The following PCK1 variants were observed in gnomAD, a reference collection of about 807,000 sequenced individuals.
PCK1 encodes the protein phosphoenolpyruvate carboxykinase 1.
Under a neutral mutation model 50.3 loss-of-function variants are expected in PCK1, and 44 were observed. That is an observed-to-expected ratio of 0.87 (90% CI 0.69 to 1.12). The LOEUF is 1.12. Ranked by LOEUF, PCK1 falls within the 50% of genes most tolerant of loss-of-function variation. The probability of loss-of-function intolerance (pLI) is 0.00; values close to 1 mark genes in which losing one functional copy is unlikely to be tolerated. For synonymous variants in PCK1, 332 were observed against 314.3 expected (o/e 1.06, Z -0.59); for missense variants, 790 against 815.0 (o/e 0.97, Z 0.37).
Position 57,567,883 on chromosome 20 carries a change from T to C in PCK1, c.*2079T>C, listed in dbSNP as rs6025631. On this transcript the variant is annotated 3_prime_UTR_variant, in exon 10 of 10. Coordinates refer to ENST00000319441, the MANE Select transcript of PCK1 (RefSeq NM_002591.4). ...ACAGCATCAGCCACCTGGCAAGCAGTCTCACATAGGACCATTTGCCAGCAG... is the reference window on the plus strand; with the variant it reads ...ACAGCATCAGCCACCTGGCAAGCAGCCTCACATAGGACCATTTGCCAGCAG... The C allele has an allele frequency of 0.16, 24,109 of 152,344 alleles. 2,768 individuals carry two copies. The highest frequency in any genetic ancestry group is 0.32 in the African/African-American group (13,464 of 41,490). The allele number at this position is 152,344 out of a possible 1,614,324, so 9.4% of individuals were successfully genotyped here. A position where few individuals can be genotyped will look rare whatever the true frequency, so the allele number is the denominator to read the frequency against.
rs374878290 is a variant in PCK1 at position 57,565,406 on chromosome 20, G to A, written c.1471G>A (p.Gly491Ser). 2.1e-5 allele frequency: 34 copies of A among 1,614,158 alleles called. No homozygotes were observed. The highest frequency in any genetic ancestry group is 1.8e-4 in the East Asian group (8 of 44,890). Residue 491 changes from glycine to serine, a missense_variant, in exon 10 of 10, where the codon GGC becomes AGC. Physicochemically the swap from Gly to Ser is moderately conservative, Grantham distance 56. Transcript: ENST00000319441. Reference protein sequence around the residue: ...AMRPFFGYNFGKYLAHWLSMA... With the variant: ...AMRPFFGYNFSKYLAHWLSMA... Reference sequence around the variant, plus strand: ...GCGGCCCTTCTTTGGCTACAACTTCGGCAAATACCTGGCCCACTGGCTTAG... The same window carrying A: ...GCGGCCCTTCTTTGGCTACAACTTCAGCAAATACCTGGCCCACTGGCTTAG...
At chr20:57,562,942 A>C in intron 4 of PCK1, 43 bp downstream of exon 4, 4 of 1,587,542 alleles carry the variant, frequency 2.5e-6, no homozygotes, top group Non-Finnish European at 3.5e-6. Flanking sequence ...ATAAAAAAGA[A>C]AGCTGAACGC....
chr20:57,566,035 A>G lies in PCK1; in HGVS notation c.*231A>G. ...AATCTTAGCATGCCTCCAAAAATTC[A>G]CATCCAATGCATAGTTTGTTCAAAT... On this transcript the variant is annotated 3_prime_UTR_variant, in exon 10 of 10. Transcript: ENST00000319441. 2.0e-6 allele frequency: 1 copy of G among 495,690 alleles called. No homozygotes were observed. 30.7% of individuals were successfully genotyped at this position (495,690 alleles called of 1,614,324 possible).
In PCK1 at chr20:57,565,020, CT is replaced by C. The variant is rs59716278; in HGVS notation, c.1319-11del. On this transcript the variant is annotated intron_variant, in intron 8 of 9. Coordinates refer to ENST00000319441, the MANE Select transcript of PCK1 (RefSeq NM_002591.4). ...TTCAAAGCCTCTGATGAACATTTCTCTTTTTTTTTCCTGCTAAAGGTGTCCC... is the reference window on the plus strand; with the variant it reads ...TTCAAAGCCTCTGATGAACATTTCTCTTTTTTTTCCTGCTAAAGGTGTCCC... The C allele has an allele frequency of 4.2e-4, 645 of 1,542,514 alleles. 1 individual carries two copies. Among genetic ancestry groups the C allele is most frequent in the South Asian group, 3.6e-3 (312 of 87,746 alleles).
At chr20:57,563,299 G>GCA (rs1263305739) in intron 5 of PCK1, 84 bp downstream of exon 5, 1 of 1,275,486 alleles carries the variant, frequency 7.8e-7, no homozygotes, top group Non-Finnish European at 1.1e-6. Flanking sequence ...CCACCCGTCA[G>GCA]CACACCTCTC....
Position 57,561,866 on chromosome 20 carries a change from A to T in PCK1, c.225-205A>T, listed in dbSNP as rs45454899. On this transcript the variant is annotated intron_variant, in intron 2 of 9. Transcript: ENST00000319441. Reference sequence around the variant, plus strand: ...AGCTCTGCCAACTAGATTCCTGATTAAAAAAAAGGCAGCCCCTCTCCTACA... The same window carrying T: ...AGCTCTGCCAACTAGATTCCTGATTTAAAAAAAGGCAGCCCCTCTCCTACA... 5,233 of 604,500 alleles carry T rather than the reference A, an allele frequency of 8.7e-3. 41 individuals are homozygous for T. The highest frequency in any genetic ancestry group is 0.019 in the Middle Eastern group (44 of 2,286). 37.4% of individuals were successfully genotyped at this position (604,500 alleles called of 1,614,324 possible).
In PCK1 at chr20:57,564,496, C is replaced by T. The variant is rs2070184604; in HGVS notation, c.1201C>T (p.His401Tyr). The change falls in exon 8 of 10, where the codon CAC becomes TAC. Residue 401 changes from histidine to tyrosine, a missense_variant. Transcript: ENST00000319441. ...WSSEDGEPCA[H>Y]PNSRFCTPAS... ...CTGTCTTATAGGGGAACCTTGTGCCCACCCCAACTCGAGGTTCTGCACCCC... is the reference window on the plus strand; with the variant it reads ...CTGTCTTATAGGGGAACCTTGTGCCTACCCCAACTCGAGGTTCTGCACCCC... The T allele has an allele frequency of 6.8e-6, 11 of 1,614,168 alleles. No homozygotes were observed. The highest frequency in any genetic ancestry group is 9.3e-6 in the Non-Finnish European group (11 of 1,180,034).
At chr20:57,562,460 T>C (rs1366640384) in intron 3 of PCK1, 3 of 624,884 alleles carry the variant, frequency 4.8e-6, no homozygotes, top group African/African-American at 3.7e-5. Context: ...ACTAGTTCCA[T>C]GCATATGGGT....
At position 57,565,344 on chromosome 20, in the gene PCK1, T is replaced by C. The variant is rs370469337; in HGVS notation, c.1415-6T>C. 3.7e-6 allele frequency: 6 copies of C among 1,611,864 alleles called. No individual in the cohort carries two copies. The highest frequency in any genetic ancestry group is 4.5e-5 in the East Asian group (2 of 44,856). On this transcript the variant is annotated splice_region_variant and splice_polypyrimidine_tract_variant and intron_variant, in intron 9 of 9. Coordinates refer to ENST00000319441, the MANE Select transcript of PCK1 (RefSeq NM_002591.4). Reference sequence around the variant, plus strand: ...TTTACTAATGAACTCCCTCTCTGTTTAACAGGCAAAATCATCATGCATGAC... The same window carrying C: ...TTTACTAATGAACTCCCTCTCTGTTCAACAGGCAAAATCATCATGCATGAC...
chr20:57,567,613 A>C lies in PCK1; in HGVS notation c.*1809A>C, dbSNP rs1286948392. On this transcript the variant is annotated 3_prime_UTR_variant, in exon 10 of 10. Transcript: ENST00000319441. ...TGACTCAGAGTCCCATGTCTAAAGG[A>C]GACAGAGCCCAAGGCAGCCCACCTG... The C allele has an allele frequency of 1.3e-5, 2 of 152,248 alleles. No individual in the cohort carries two copies. Among genetic ancestry groups the C allele is most frequent in the African/African-American group, 2.4e-5 (1 of 41,470 alleles). The allele number at this position is 152,248 out of a possible 1,614,324, so 9.4% of individuals were successfully genotyped here.
intron 9 of PCK1, 84 bp from the exon 10 acceptor site, chr20:57,565,266 A>C (rs2146530725): frequency 7.6e-7 from 1 of 1,321,958 alleles, no homozygotes. Context: ...GAGGAGAACA[A>C]AGCATGCTAA....
At chr20:57,565,269 C>T (rs2070192506) in intron 9 of PCK1, 81 bp from the exon 10 acceptor site, 2 of 1,316,712 alleles carry the variant, frequency 1.5e-6, no homozygotes, top group Admixed American at 1.7e-5. Context: ...GAGAACAAAG[C>T]ATGCTAATGT....
rs372606952 is a variant in PCK1 at position 57,561,385 on chromosome 20, C to T, written c.-27C>T. 58 of 1,488,548 alleles carry T rather than the reference C, an allele frequency of 3.9e-5. No individual in the cohort carries two copies. The highest frequency in any genetic ancestry group is 1.7e-4 in the Middle Eastern group (1 of 5,778). The allele number at this position is 1,488,548 out of a possible 1,614,324, so 92.2% of individuals were successfully genotyped here. On this transcript the variant is annotated 5_prime_UTR_variant, in exon 2 of 10. Transcript: ENST00000319441. The stretch of plus-strand genomic sequence containing the variant: ...TTTCTATTTCAGGTGACCTCACATT[C>T]GTGCCCCTTAGCAGCACTCTGCAGA...
Position 57,564,151 on chromosome 20 carries a change from TG to T in PCK1, c.962-16del. 2 of 1,570,448 alleles carry T rather than the reference TG, an allele frequency of 1.3e-6. No individual in the cohort carries two copies. The highest frequency in any genetic ancestry group is 1.8e-6 in the Non-Finnish European group (2 of 1,142,090). On this transcript the variant is annotated splice_polypyrimidine_tract_variant and intron_variant, in intron 6 of 9. Coordinates refer to ENST00000319441, the MANE Select transcript of PCK1 (RefSeq NM_002591.4). ...TGCCTGGCACTCACTACTGCTTCTC[TG>T]GTTTAAAACTCTCCAGGTCATTTAA...
chr20:57,563,408 A>G (rs2070171353), intron 5 of PCK1, 157 bp from the exon 6 acceptor site: 4 of 686,948 alleles, frequency 5.8e-6, no homozygotes, highest in Non-Finnish European at 9.8e-6. Context: ...CCAGGGGACC[A>G]TAGAGATCCT....
chr20:57,562,884 C>T lies in PCK1; in HGVS notation c.595C>T (p.Pro199Ser), dbSNP rs762530982. The change falls in exon 4 of 10, where the codon CCT becomes TCT. Residue 199 changes from proline to serine, a missense_variant. Pro to Ser is a moderately conservative substitution (Grantham distance 74). Transcript: ENST00000319441. ...FVKCLHSVGC[P>S]LPLQKPLVNN... Reference sequence around the variant, plus strand: ...CAAATGCCTCCATTCTGTGGGGTGCCCTCTGCCTTTACAAAGTAAGTGTAT... The same window carrying T: ...CAAATGCCTCCATTCTGTGGGGTGCTCTCTGCCTTTACAAAGTAAGTGTAT... 5 of 1,610,434 alleles carry T rather than the reference C, an allele frequency of 3.1e-6. 1 individual carries two copies. In the South Asian group the frequency reaches 5.5e-5, roughly 18 times the overall value.
Position 57,564,619 on chromosome 20 carries a change from G to A in PCK1, c.1318+6G>A, listed in dbSNP as rs2146530109. 2.5e-6 allele frequency: 4 copies of A among 1,578,642 alleles called. No individual in the cohort carries two copies. The highest frequency in any genetic ancestry group is 2.6e-6 in the Non-Finnish European group (3 of 1,162,174). ...TGGAGGCCGTAGACCTGCTGGTGAG[G>A]CTCTCCTTCATTTAGGCTGGGAACA... On this transcript the variant is annotated splice_donor_region_variant and intron_variant, in intron 8 of 9. Transcript: ENST00000319441.
chr20:57,563,295 G>A (rs560968694), intron 5 of PCK1, 80 bp downstream of exon 5: 88 of 1,296,632 alleles, frequency 6.8e-5, no homozygotes, highest in Middle Eastern at 4.6e-4. Context: ...GTTCCCACCC[G>A]TCAGCACACC....
In PCK1 at chr20:57,565,466, A is replaced by T. The variant is rs140394821; in HGVS notation, c.1531A>T (p.Ile511Phe). 1.4e-5 allele frequency: 22 copies of T among 1,614,070 alleles called. No individual in the cohort carries two copies. Among genetic ancestry groups the T allele is most frequent in the Non-Finnish European group, 1.8e-5 (21 of 1,180,030 alleles). ...GCACCCAGCAGCCAAACTGCCCAAG[A>T]TCTTCCATGTCAACTGGTTCCGGAA... ...AQHPAAKLPK[I>F]FHVNWFRKDK... The change falls in exon 10 of 10, where the codon ATC (isoleucine) becomes TTC (phenylalanine). Residue 511 changes from isoleucine (I) to phenylalanine (F), a missense_variant. Ile to Phe is a conservative substitution (Grantham distance 21). Transcript: ENST00000319441.
Sources: allele counts gnomAD v4.1 joint callset, GRCh38; gene constraint gnomAD v4.1.1; transcripts MANE v1.5; gene names NCBI Gene and HGNC (gene_info 2026-07-23, HGNC 2026-07-21).